Variants in RANBP10 observed in about 807,000 individuals in gnomAD.
RANBP10 encodes the protein RAN binding protein 10.
A neutral mutation model predicts 72.8 loss-of-function variants in RANBP10; 24 were observed. The observed-to-expected ratio is 0.33, with a 90% CI of 0.24 to 0.46. The LOEUF is 0.46. Ranked by LOEUF, RANBP10 falls within the 20% of genes least tolerant of loss-of-function variation. RANBP10 has a pLI of 1.00. For synonymous variants in RANBP10, 310 were observed against 322.3 expected (o/e 0.96, Z 0.41); for missense variants, 679 against 817.5 (o/e 0.83, Z 2.07).
In RANBP10 at chr16:67,729,940, G is replaced by T. The variant is rs1383314469; in HGVS notation, c.996C>A (p.Leu332=). Residue 332 remains leucine (L), a splice_region_variant and synonymous_variant, in exon 8 of 14, where the codon CTC becomes CTA. Transcript: ENST00000317506. This position sits in a 1 kb window ranked among gnomAD's most constrained non-coding sequence, Gnocchi z 7.1. ...LEHNPNLLFM[L]KCRQFVEMVN... is the part of the protein sequence containing the mutation. ...AGCTGGGGGTGCCCAAGACTTACTT[G>T]AGCATGAAGAGGAGGTTGGGGTTGT... 6.2e-7 allele frequency: 1 copy of T among 1,613,816 alleles called. No homozygotes were observed.
At chr16:67,798,875 T>A (rs114045686) in intron 2 of RANBP10, among the ~76,000 whole-genome samples, 1,931 of 152,262 alleles carry the variant, frequency 0.013, 35 homozygotes, top group African/African-American at 0.044. Flanking sequence ...CCCACACTGC[T>A]ACTGCCCTCA....
At position 67,806,189 on chromosome 16, in the gene RANBP10, C is replaced by T. The variant is rs1033404729; in HGVS notation, c.235+113G>A. On this transcript the variant is annotated intron_variant, in intron 1 of 13. Transcript: ENST00000317506. Reference sequence around the variant, plus strand: ...CCTGGACATCCTGAAAGGGCCAAGCCCTAACTTGGAGCACCTAGGCAGGGA... The same window carrying T: ...CCTGGACATCCTGAAAGGGCCAAGCTCTAACTTGGAGCACCTAGGCAGGGA... The T allele has an allele frequency of 3.4e-5, 36 of 1,056,746 alleles. No individual in the cohort carries two copies. The Admixed American group carries it at 8.3e-4, about 24-fold the overall frequency. 65.5% of individuals were successfully genotyped at this position (1,056,746 alleles called of 1,614,324 possible). A position where few individuals can be genotyped will look rare whatever the true frequency, so the allele number is the denominator to read the frequency against.
At chr16:67,803,567 T>A (rs1465014573) in intron 2 of RANBP10, among the ~76,000 whole-genome samples, 1 of 151,022 alleles carries the variant, frequency 6.6e-6, no homozygotes, top group Non-Finnish European at 1.5e-5. Context: ...GGAGAATTAC[T>A]TGAACCTGGG....
At chr16:67,801,741 G>C (rs1191832707) in intron 2 of RANBP10, among the ~76,000 whole-genome samples, 1 of 151,898 alleles carries the variant, frequency 6.6e-6, no homozygotes, top group East Asian at 1.9e-4. Flanking sequence ...GATCACTTGA[G>C]GCTAGGAGTT....
chr16:67,738,091 G>A, intron 4 of RANBP10, 56 bp from the exon 5 acceptor site: 1 of 1,521,016 alleles, frequency 6.6e-7, no homozygotes, highest in Non-Finnish European at 8.9e-7. Context: ...CTCTGCCTCT[G>A]CACCCCATGG....
At chr16:67,746,517 G>A (rs1279479007) in intron 3 of RANBP10, among the ~76,000 whole-genome samples, 1 of 152,148 alleles carries the variant, frequency 6.6e-6, no homozygotes, top group Non-Finnish European at 1.5e-5. Context: ...CAAGTGTGGT[G>A]GCGCCTGCCT....
intron 3 of RANBP10, among the ~76,000 whole-genome samples, chr16:67,755,776 A>T (rs2054276864): frequency 6.6e-6 from 1 of 151,926 alleles, no homozygotes; most frequent in Non-Finnish European, 1.5e-5. Flanking sequence ...CTGGGTCAGA[A>T]GGATGCCTGA....
rs759032820 is a variant in RANBP10 at position 67,729,838 on chromosome 16, G to A, written c.999-10C>T. On this transcript the variant is annotated splice_polypyrimidine_tract_variant and intron_variant, in intron 8 of 13. Coordinates refer to ENST00000317506, the MANE Select transcript of RANBP10 (RefSeq NM_020850.3). The surrounding 1 kb of genome is among the most constrained non-coding windows in gnomAD (Gnocchi z 7.1). ...CACAAACTGCCGGCACCTGTGGAGG[G>A]AGCGGAGCAATAATGCTCTGGTTGT... 3.7e-6 allele frequency: 6 copies of A among 1,613,692 alleles called. No homozygotes were observed. The highest frequency in any genetic ancestry group is 5.1e-6 in the Non-Finnish European group (6 of 1,179,874).
In RANBP10 at chr16:67,729,375, C is replaced by CGAGGAGGAG. The variant is rs141826437; in HGVS notation, c.1248_1256dup (p.Ser420_Ser422dup). The stretch of plus-strand genomic sequence containing the variant: ...AATTGACGGAGGATGGGGAAGAGGA[C>CGAGGAGGAG]GAGGAGGAGGAGGAGGACGAGGATG... On this transcript the variant is annotated inframe_insertion, in exon 10 of 14. Transcript: ENST00000317506. This position sits in a 1 kb window ranked among gnomAD's most constrained non-coding sequence, Gnocchi z 7.1. The CGAGGAGGAG allele has an allele frequency of 5.2e-5, 84 of 1,607,930 alleles. 1 individual carries two copies. In the South Asian group the frequency reaches 8.6e-4, roughly 16 times the overall value.
intron 2 of RANBP10, among the ~76,000 whole-genome samples, chr16:67,796,102 G>A (rs1437641423): frequency 1.3e-5 from 2 of 151,790 alleles, no homozygotes; most frequent in Non-Finnish European, 2.9e-5. Context: ...ACTTTTAGTA[G>A]AGACAGGGTT....
chr16:67,798,027 C>T (rs2055165480), intron 2 of RANBP10, among the ~76,000 whole-genome samples: 1 of 150,884 alleles, frequency 6.6e-6, no homozygotes, highest in South Asian at 2.1e-4. Context: ...GAACAGTGGC[C>T]ACCATCTAGA....
At chr16:67,778,359 A>G (rs1276730875) in intron 2 of RANBP10, among the ~76,000 whole-genome samples, 2 of 152,190 alleles carry the variant, frequency 1.3e-5, no homozygotes, top group African/African-American at 4.8e-5. Flanking sequence ...AAAATAAAAA[A>G]AAAAAGAAGT....
chr16:67,729,862 G>A lies in RANBP10; in HGVS notation c.999-34C>T. The A allele has an allele frequency of 6.2e-7, 1 of 1,613,426 alleles. No individual in the cohort carries two copies. The highest frequency in any genetic ancestry group is 8.5e-7 in the Non-Finnish European group (1 of 1,179,804). ...GGAGCGGAGCAATAATGCTCTGGTTGTGGTCCAGGTTGACGTTCCCACCAC... is the reference window on the plus strand; with the variant it reads ...GGAGCGGAGCAATAATGCTCTGGTTATGGTCCAGGTTGACGTTCCCACCAC... On this transcript the variant is annotated intron_variant, in intron 8 of 13. Transcript: ENST00000317506. The surrounding 1 kb of genome is among the most constrained non-coding windows in gnomAD (Gnocchi z 7.1).
chr16:67,775,790 TAAAAAAAAAAAA>T (rs34379359), intron 2 of RANBP10, among the ~76,000 whole-genome samples: 1 of 76,748 alleles, frequency 1.3e-5, no homozygotes, highest in East Asian at 4.4e-4. Flanking sequence ...AGACTCCGTC[TAAAAAAAAAAAA>T]AAAAAAAAAA....
At position 67,729,188 on chromosome 16, in the gene RANBP10, G is replaced by A; in HGVS notation, c.1352+92C>T. 3 of 1,546,378 alleles carry A rather than the reference G, an allele frequency of 1.9e-6. No individual in the cohort carries two copies. The highest frequency in any genetic ancestry group is 2.6e-6 in the Non-Finnish European group (3 of 1,146,458). On this transcript the variant is annotated intron_variant, in intron 10 of 13. Coordinates refer to ENST00000317506, the MANE Select transcript of RANBP10 (RefSeq NM_020850.3). The surrounding 1 kb of genome is among the most constrained non-coding windows in gnomAD (Gnocchi z 7.1). ...GGCACAGACCTGAGATGGAGGCTGG[G>A]GGTGAAGGGCAGGGCGCTCAAAGGA...
intron 3 of RANBP10, among the ~76,000 whole-genome samples, chr16:67,758,649 C>CT (rs2143009439): frequency 6.6e-6 from 1 of 152,362 alleles, no homozygotes; most frequent in East Asian, 1.9e-4. Flanking sequence ...TTGAGAATCT[C>CT]TGTTTTCAGA....
intron 4 of RANBP10, among the ~76,000 whole-genome samples, chr16:67,741,695 A>G (rs1193383248): frequency 6.6e-6 from 1 of 152,242 alleles, no homozygotes; most frequent in African/African-American, 2.4e-5. Context: ...AAACAGTTGC[A>G]AACCTGGCCC....
In RANBP10 at chr16:67,730,947, TG is replaced by T. The variant is rs2053718246; in HGVS notation, c.889+524del. On this transcript the variant is annotated intron_variant, in intron 7 of 13. Transcript: ENST00000317506. This position sits in a 1 kb window ranked among gnomAD's most constrained non-coding sequence, Gnocchi z 4.3. ...ACAGCATCCAGGCCAGCATCAACACTGGGAGAGCTCTGGCCAAGGGAGGACT... is the reference window on the plus strand; with the variant it reads ...ACAGCATCCAGGCCAGCATCAACACTGGAGAGCTCTGGCCAAGGGAGGACT... The T allele has an allele frequency of 1.3e-5, 2 of 155,360 alleles. No homozygotes were observed. The highest frequency in any genetic ancestry group is 4.8e-5 in the African/African-American group (2 of 41,382). 9.6% of individuals were successfully genotyped at this position (155,360 alleles called of 1,614,324 possible).
intron 2 of RANBP10, among the ~76,000 whole-genome samples, chr16:67,796,421 T>C (rs537966585): frequency 6.6e-6 from 1 of 152,250 alleles, no homozygotes; most frequent in African/African-American, 2.4e-5. Flanking sequence ...GACTCTCCTT[T>C]AGAAGAAATA....
Sources: gnomAD v4.1 joint callset for allele counts (sites outside exome capture counted in the v4.1 genomes callset) on GRCh38, gnomAD v4.1.1 for gene constraint, Gnocchi (gnomAD v3.1) non-coding constraint, MANE v1.5 for transcripts, NCBI Gene and HGNC (gene_info 2026-07-23, HGNC 2026-07-21) for gene names.